Variants in WDR49 observed in about 807,000 individuals in gnomAD.
The protein encoded by WDR49 is WD repeat domain 49.
Under a neutral mutation model 119.5 loss-of-function variants are expected in WDR49, and 107 were observed. The ratio of observed to expected loss-of-function variants is 0.90; its 90% CI spans 0.77 to 1.05. WDR49 has a LOEUF of 1.05. WDR49 is among the 50% of genes least tolerant of loss of function. WDR49 has a pLI of 0.00. For missense variants in WDR49, 1,240 were observed against 1,220.5 expected (o/e 1.02, Z -0.24); for synonymous variants, 425 against 418.8 (o/e 1.01, Z -0.18).
intron 2 of WDR49, among the ~76,000 whole-genome samples, chr3:167,645,241 C>T (rs1264810253): frequency 2.0e-5 from 3 of 151,750 alleles, no homozygotes; most frequent in Non-Finnish European, 4.4e-5. Context: ...GATTGAGTTT[C>T]GCTCAGTCAC....
At chr3:167,608,395 A>G (rs1417880818) in intron 5 of WDR49, among the ~76,000 whole-genome samples, 1 of 152,186 alleles carries the variant, frequency 6.6e-6, no homozygotes, top group Non-Finnish European at 1.5e-5. Flanking sequence ...TTTAGTTTCC[A>G]GGTTATAAAG....
chr3:167,628,787 C>G (rs1288228016), intron 2 of WDR49, among the ~76,000 whole-genome samples: 2 of 152,112 alleles, frequency 1.3e-5, no homozygotes, highest in East Asian at 3.9e-4. Flanking sequence ...AATGAAACAG[C>G]CCTATTTGGA....
intron 3 of WDR49, among the ~76,000 whole-genome samples, chr3:167,624,343 G>T (rs564480308): frequency 1.5e-5 from 2 of 132,392 alleles, no homozygotes; most frequent in South Asian, 2.2e-4. Flanking sequence ...GTTATGCCAT[G>T]GTAAAAAAAA....
At chr3:167,617,144 A>G (rs1716635079) in intron 5 of WDR49, among the ~76,000 whole-genome samples, 1 of 152,222 alleles carries the variant, frequency 6.6e-6, no homozygotes, top group African/African-American at 2.4e-5. Context: ...TCTGAATTAG[A>G]CAGAGGAAGA....
At chr3:167,522,516 T>G (rs946992176) in intron 15 of WDR49, 32 bp from the exon 16 acceptor site, 8 of 1,573,694 alleles carry the variant, frequency 5.1e-6, no homozygotes, top group Non-Finnish European at 6.8e-6. Context: ...GTTTTATTTT[T>G]ATGAAATTTA....
At chr3:167,563,380 A>AAGAAACC (rs1454232778) in intron 8 of WDR49, among the ~76,000 whole-genome samples, 1 of 149,252 alleles carries the variant, frequency 6.7e-6, no homozygotes, top group African/African-American at 2.5e-5. Context: ...AAAAAAAAGA[A>AAGAAACC]AGAAACCTGA....
At chr3:167,593,921 C>T (rs1404809416) in intron 7 of WDR49, among the ~76,000 whole-genome samples, 1 of 152,012 alleles carries the variant, frequency 6.6e-6, no homozygotes. Context: ...CGGTGGTTCC[C>T]CTCTCTCGTT....
intron 15 of WDR49, among the ~76,000 whole-genome samples, chr3:167,526,081 A>C (rs9855001): frequency 0.57 from 86,065 of 151,654 alleles, 26,634 homozygotes; most frequent in African/African-American, 0.83. Flanking sequence ...TTTTCCCCAG[A>C]TTTGCTAGCC....
At chr3:167,606,493 A>G (rs1281052299) in intron 5 of WDR49, among the ~76,000 whole-genome samples, 2 of 152,204 alleles carry the variant, frequency 1.3e-5, no homozygotes, top group Non-Finnish European at 2.9e-5. Flanking sequence ...TACTCATTTT[A>G]GGCTTCTGTT....
intron 18 of WDR49, among the ~76,000 whole-genome samples, chr3:167,481,387 C>G (rs1750713942): frequency 6.6e-6 from 1 of 150,494 alleles, no homozygotes; most frequent in Non-Finnish European, 1.5e-5. Context: ...TATGAGGTAG[C>G]AAAACTCAGA....
chr3:167,535,629 CACTT>C (rs920044751), intron 11 of WDR49, among the ~76,000 whole-genome samples: 1 of 151,996 alleles, frequency 6.6e-6, no homozygotes, highest in Non-Finnish European at 1.5e-5. Context: ...GCAGAGGAAA[CACTT>C]ACATATGGCT....
At position 167,478,908 on chromosome 3, in the gene WDR49, T is replaced by G. The variant is rs1750583016; in HGVS notation, c.3120A>C (p.Lys1040Asn). Residue 1040 changes from lysine (K) to asparagine (N), a missense_variant, in exon 19 of 19, where the codon AAA becomes AAC. Physicochemically the swap from Lys to Asn is moderately conservative, Grantham distance 94. Transcript: ENST00000682715. ...TCTTATTTTTCTTCACTTCACAACTTTTTTCTTGGCATAATTGCTTGGCTT... is the reference window on the plus strand; with the variant it reads ...TCTTATTTTTCTTCACTTCACAACTGTTTTCTTGGCATAATTGCTTGGCTT... ...ERKAKQLCQE[K>N]SCEVKKNKK The G allele has an allele frequency of 6.2e-7, 1 of 1,608,200 alleles. No individual in the cohort carries two copies. The highest frequency in any genetic ancestry group is 8.5e-7 in the Non-Finnish European group (1 of 1,178,726).
intron 10 of WDR49, among the ~76,000 whole-genome samples, chr3:167,552,662 T>C (rs73173040): frequency 0.27 from 40,276 of 151,756 alleles, 5,578 homozygotes; most frequent in South Asian, 0.31. Flanking sequence ...TAACTGAGCT[T>C]AGAGAGATAA....
intron 2 of WDR49, among the ~76,000 whole-genome samples, chr3:167,642,736 T>C (rs1028530225): frequency 6.6e-6 from 1 of 151,922 alleles, no homozygotes; most frequent in Non-Finnish European, 1.5e-5. Context: ...AAATGGCTGG[T>C]TCCAGGTCTT....
At chr3:167,537,134 A>T (rs750484221) in intron 10 of WDR49, 134 bp from the exon 11 acceptor site, 25 of 778,506 alleles carry the variant, frequency 3.2e-5, no homozygotes, top group Non-Finnish European at 4.2e-5. Context: ...CCACTTGACA[A>T]CCATAATACT....
At chr3:167,576,844 T>C (rs1338105744) in intron 7 of WDR49, among the ~76,000 whole-genome samples, 1 of 152,130 alleles carries the variant, frequency 6.6e-6, no homozygotes, top group Non-Finnish European at 1.5e-5. Context: ...AATACAGTTC[T>C]CTCTCCGTCT....
intron 18 of WDR49, among the ~76,000 whole-genome samples, chr3:167,496,050 A>C (rs1751343575): frequency 6.6e-6 from 1 of 152,156 alleles, no homozygotes; most frequent in African/African-American, 2.4e-5. Flanking sequence ...AATTCTGTAG[A>C]AAATTCTTCA....
At chr3:167,562,210 T>G (rs1713308092) in intron 8 of WDR49, among the ~76,000 whole-genome samples, 2 of 152,178 alleles carry the variant, frequency 1.3e-5, no homozygotes, top group Admixed American at 1.3e-4. Flanking sequence ...ATACAGTGTT[T>G]TTTGTCAGTT....
At chr3:167,565,896 T>C (rs890731652) in intron 8 of WDR49, among the ~76,000 whole-genome samples, 12 of 152,208 alleles carry the variant, frequency 7.9e-5, no homozygotes, top group South Asian at 4.1e-4. Flanking sequence ...TACCCTTGCT[T>C]TATTTCATGT....
Sources: gnomAD v4.1 joint callset for allele counts (sites outside exome capture counted in the v4.1 genomes callset) on GRCh38, gnomAD v4.1.1 for gene constraint, MANE v1.5 for transcripts, NCBI Gene and HGNC (gene_info 2026-07-23, HGNC 2026-07-21) for gene names.